Variants in ETFA observed in about 807,000 individuals in gnomAD.
ETFA encodes the protein electron transfer flavoprotein subunit alpha, mitochondrial.
A neutral mutation model predicts 46.2 loss-of-function variants in ETFA; 22 were observed. That is an observed-to-expected ratio of 0.48 (90% CI 0.34 to 0.68). The LOEUF is 0.68. Among genes scored for constraint, ETFA ranks in the 30% least tolerant of loss-of-function variants. The pLI is 0.01. For synonymous variants in ETFA, 131 were observed against 139.9 expected (o/e 0.94, Z 0.45); for missense variants, 345 against 401.1 (o/e 0.86, Z 1.19).
chr15:76,228,035 T>C (rs2039022603), intron 10 of ETFA: 1 of 451,710 alleles, frequency 2.2e-6, no homozygotes, highest in Admixed American at 2.4e-5. Context: ...CATTGGCGTG[T>C]TTCTCTTTTG....
intron 9 of ETFA, among the ~76,000 whole-genome samples, chr15:76,244,365 C>A (rs1434483027): frequency 6.6e-6 from 1 of 152,202 alleles, no homozygotes; most frequent in Non-Finnish European, 1.5e-5. Flanking sequence ...CTAAAATAAT[C>A]TCACTTTAAG....
At chr15:76,280,257 T>TTAA (rs1327069399) in intron 8 of ETFA, among the ~76,000 whole-genome samples, 1 of 152,018 alleles carries the variant, frequency 6.6e-6, no homozygotes, top group Non-Finnish European at 1.5e-5. Flanking sequence ...ATCTCAAAGG[T>TTAA]TAATATGCCC....
At chr15:76,253,668 A>C (rs929201571) in intron 9 of ETFA, among the ~76,000 whole-genome samples, 1 of 152,244 alleles carries the variant, frequency 6.6e-6, no homozygotes, top group African/African-American at 2.4e-5. Flanking sequence ...AATTATTCCT[A>C]GACAAAGGAG....
In ETFA at chr15:76,247,964, A is replaced by G. The variant is rs116480914; in HGVS notation, c.817-16566T>C. ...TAAAATATAGGTCTGAGTTCTCTGA[A>G]GCTTTAGTATCTATACAATTTTAGT... On this transcript the variant is annotated intron_variant, in intron 9 of 11. Coordinates refer to ENST00000557943, the MANE Select transcript of ETFA (RefSeq NM_000126.4). Among the ~76,000 whole-genome samples, 591 of 152,344 alleles carry G rather than the reference A, an allele frequency of 3.9e-3. 1 individual carries two copies. Among genetic ancestry groups the G allele is most frequent in the African/African-American group, 0.014 (564 of 41,584 alleles).
At chr15:76,231,002 T>C (rs1195089836) in intron 10 of ETFA, 1 of 258,114 alleles carries the variant, frequency 3.9e-6, no homozygotes. Context: ...TATCCACAGA[T>C]TGTGATAGCT....
In ETFA at chr15:76,287,947, T is replaced by C; in HGVS notation, c.352-2A>G. 2 of 1,609,526 alleles carry C rather than the reference T, an allele frequency of 1.2e-6. No homozygotes were observed. Among genetic ancestry groups the C allele is most frequent in the Non-Finnish European group, 1.7e-6 (2 of 1,175,842 alleles). Reference sequence around the variant, plus strand: ...GGCTGCTACTCTGGGCAAAAGGTTCTAAAAGCAAAATAAGCAGTGAGTTAA... The same window carrying C: ...GGCTGCTACTCTGGGCAAAAGGTTCCAAAAGCAAAATAAGCAGTGAGTTAA... On this transcript the variant is annotated splice_acceptor_variant, in intron 4 of 11. Coordinates refer to ENST00000557943, the MANE Select transcript of ETFA (RefSeq NM_000126.4). LOFTEE classifies it high-confidence loss of function.
intron 9 of ETFA, among the ~76,000 whole-genome samples, chr15:76,246,605 G>A (rs936864546): frequency 2.0e-5 from 3 of 152,134 alleles, no homozygotes; most frequent in African/African-American, 7.2e-5. Context: ...GCTGAGGCAG[G>A]CAGATCACGA....
intron 8 of ETFA, 131 bp downstream of exon 8, chr15:76,283,626 G>T: frequency 1.4e-6 from 1 of 719,624 alleles, no homozygotes; most frequent in Admixed American, 2.5e-5. Flanking sequence ...CTGGTTCAGA[G>T]AGAAAAACTG....
At chr15:76,288,074 C>T (rs2039719156) in intron 4 of ETFA, 129 bp from the exon 5 acceptor site, 5 of 692,184 alleles carry the variant, frequency 7.2e-6, no homozygotes, top group Non-Finnish European at 1.3e-5. Flanking sequence ...ATTTCGTGTG[C>T]ACCTTTGGAT....
intron 11 of ETFA, among the ~76,000 whole-genome samples, chr15:76,219,485 C>CA: frequency 6.6e-6 from 1 of 152,238 alleles, no homozygotes; most frequent in South Asian, 2.1e-4. Context: ...TGGACTTCAT[C>CA]AAAATCTAAA....
At chr15:76,259,659 T>C (rs1306744269) in intron 9 of ETFA, 11 of 955,114 alleles carry the variant, frequency 1.2e-5, no homozygotes, top group Admixed American at 1.7e-5. Flanking sequence ...GCCCTAACAA[T>C]AGTAGCCCCG....
intron 9 of ETFA, among the ~76,000 whole-genome samples, chr15:76,272,662 T>G (rs1361403188): frequency 6.6e-6 from 1 of 152,070 alleles, no homozygotes; most frequent in South Asian, 2.1e-4. Flanking sequence ...TGGTGGCACA[T>G]ACCTGCAGTC....
At chr15:76,249,370 C>A (rs2039273868) in intron 9 of ETFA, among the ~76,000 whole-genome samples, 1 of 151,206 alleles carries the variant, frequency 6.6e-6, no homozygotes, top group Admixed American at 6.6e-5. Flanking sequence ...TCAGGTGATC[C>A]TTGCACCTCG....
chr15:76,309,286 T>C (rs2039966397), intron 1 of ETFA, among the ~76,000 whole-genome samples: 1 of 152,084 alleles, frequency 6.6e-6, no homozygotes, highest in South Asian at 2.1e-4. Context: ...CCGTCTCTAC[T>C]AAAAATACAA....
At chr15:76,305,220 T>C (rs562472738) in intron 1 of ETFA, among the ~76,000 whole-genome samples, 1 of 152,036 alleles carries the variant, frequency 6.6e-6, no homozygotes, top group South Asian at 2.1e-4. Context: ...TCTGTAACAA[T>C]GACCACACTT....
At chr15:76,300,982 G>A (rs1018445633) in intron 1 of ETFA, among the ~76,000 whole-genome samples, 6 of 152,112 alleles carry the variant, frequency 3.9e-5, no homozygotes, top group Non-Finnish European at 7.4e-5. Flanking sequence ...ACAGGCTTTG[G>A]AGCCAGCCAC....
chr15:76,311,264 G>C (rs1019910453), intron 1 of ETFA, 86 bp downstream of exon 1: 2 of 1,455,562 alleles, frequency 1.4e-6, no homozygotes, highest in Non-Finnish European at 1.9e-6. Context: ...CGAATCTGAG[G>C]GGGCCAGTGA....
Position 76,301,243 on chromosome 15 carries a change from A to G in ETFA, c.40-5506T>C, listed in dbSNP as rs187542275. Among the ~76,000 whole-genome samples, 199 of 152,296 alleles carry G rather than the reference A, an allele frequency of 1.3e-3. 2 individuals are homozygous for G. The highest frequency in any genetic ancestry group is 4.7e-3 in the African/African-American group (196 of 41,552). Reference sequence around the variant, plus strand: ...GCTAGCACCAACATGGTACCTTGTAATTGCCTTCATTACAGCACTTATCAC... The same window carrying G: ...GCTAGCACCAACATGGTACCTTGTAGTTGCCTTCATTACAGCACTTATCAC... On this transcript the variant is annotated intron_variant, in intron 1 of 11. Transcript: ENST00000557943.
In ETFA at chr15:76,295,600, T is replaced by C; in HGVS notation, c.177A>G (p.Lys59=). The change falls in exon 2 of 12, where the codon AAA becomes AAG. Residue 59 remains lysine, a synonymous_variant. Coordinates refer to ENST00000557943, the MANE Select transcript of ETFA (RefSeq NM_000126.4). ...CTTAAAAATTTCTCACCTTGTCACATTTGGTTCCAGCTACTAAGCAGGACA... is the reference window on the plus strand; with the variant it reads ...CTTAAAAATTTCTCACCTTGTCACACTTGGTTCCAGCTACTAAGCAGGACA... ...GEVSCLVAGT[K]CDKVAQDLCK... 6.2e-7 allele frequency: 1 copy of C among 1,613,668 alleles called. No individual in the cohort carries two copies. The highest frequency in any genetic ancestry group is 8.5e-7 in the Non-Finnish European group (1 of 1,179,648).
Sources: gnomAD v4.1 joint callset for allele counts (sites outside exome capture counted in the v4.1 genomes callset) on GRCh38, gnomAD v4.1.1 for gene constraint, MANE v1.5 for transcripts, NCBI Gene and HGNC (gene_info 2026-07-23, HGNC 2026-07-21) for gene names.